Variants in USP24 observed in about 807,000 individuals in gnomAD.
USP24 encodes ubiquitin carboxyl-terminal hydrolase 24.
USP24 carries 97 observed loss-of-function variants against 361.6 expected under a neutral mutation model. That is an observed-to-expected ratio of 0.27 (90% confidence interval 0.23 to 0.32). The LOEUF is 0.32. USP24 is among the 10% of genes least tolerant of loss of function. USP24 has a pLI of 1.00. For missense variants in USP24, 2,353 were observed against 3,165.6 expected (o/e 0.74, Z 6.16); for synonymous variants, 1,098 against 1,124.6 (o/e 0.98, Z 0.47).
intron 1 of USP24, among the ~76,000 whole-genome samples, chr1:55,211,665 C>T (rs1644849478): frequency 6.6e-6 from 1 of 152,194 alleles, no homozygotes; most frequent in African/African-American, 2.4e-5. Flanking sequence ...GAGGCTTGGA[C>T]TAAGACCCAC....
At chr1:55,108,113 A>T (rs2100540441) in intron 39 of USP24, among the ~76,000 whole-genome samples, 1 of 152,254 alleles carries the variant, frequency 6.6e-6, no homozygotes, top group African/African-American at 2.4e-5. Context: ...GTAGAAGGGT[A>T]TAAGGAGAAT....
At chr1:55,139,687 CAA>C (rs1367221626) in intron 24 of USP24, among the ~76,000 whole-genome samples, 2 of 152,240 alleles carry the variant, frequency 1.3e-5, no homozygotes, top group African/African-American at 4.8e-5. Flanking sequence ...CTAGATATTT[CAA>C]AGAGGTATAT....
intron 1 of USP24, among the ~76,000 whole-genome samples, chr1:55,195,857 C>A (rs1048756013): frequency 6.6e-6 from 1 of 152,100 alleles, no homozygotes; most frequent in African/African-American, 2.4e-5. Context: ...TGAAAAATTT[C>A]TGGAGATGTT....
intron 32 of USP24, among the ~76,000 whole-genome samples, chr1:55,126,439 T>G (rs1646432215): frequency 6.6e-6 from 1 of 152,220 alleles, no homozygotes; most frequent in African/African-American, 2.4e-5. Flanking sequence ...CTCCTCACCA[T>G]CTGACACATA....
intron 60 of USP24, 126 bp downstream of exon 60, chr1:55,079,412 T>C (rs2100419553): frequency 7.7e-7 from 1 of 1,302,810 alleles, no homozygotes; most frequent in Non-Finnish European, 1.0e-6. Flanking sequence ...TTTTGACATA[T>C]AAGAAAACTT....
chr1:55,197,655 C>A (rs904960960), intron 1 of USP24, among the ~76,000 whole-genome samples: 1 of 152,196 alleles, frequency 6.6e-6, no homozygotes, highest in African/African-American at 2.4e-5. Flanking sequence ...GAGTGTGTTA[C>A]TCAATGGAGC....
intron 30 of USP24, 101 bp downstream of exon 30, chr1:55,133,969 G>A (rs1646664982): frequency 2.8e-6 from 3 of 1,073,326 alleles, no homozygotes; most frequent in Admixed American, 2.2e-5. Context: ...AAAACATTAT[G>A]GGAAAGATGG....
chr1:55,185,481 C>T (rs115811829), intron 1 of USP24, among the ~76,000 whole-genome samples: 3 of 151,702 alleles, frequency 2.0e-5, no homozygotes, highest in African/African-American at 2.4e-5. Flanking sequence ...AAGGGACAAA[C>T]CTTCAACTAG....
chr1:55,097,785 T>A, intron 47 of USP24, 68 bp from the exon 48 acceptor site: 1 of 1,506,294 alleles, frequency 6.6e-7, no homozygotes. Flanking sequence ...AACAGCACAG[T>A]AATTAATGCA....
At chr1:55,101,533 G>C (rs377501771) in intron 43 of USP24, 51 bp downstream of exon 43, 14 of 1,554,252 alleles carry the variant, frequency 9.0e-6, no homozygotes, top group Non-Finnish European at 1.2e-5. Context: ...CAATTTTCAA[G>C]TAACGCACGT....
intron 20 of USP24, among the ~76,000 whole-genome samples, chr1:55,145,485 A>G (rs1444825049): frequency 6.6e-6 from 1 of 152,188 alleles, no homozygotes; most frequent in Non-Finnish European, 1.5e-5. Context: ...CAGAAAATAG[A>G]TTAGAGGCTG....
chr1:55,141,112 T>C (rs1049932058), intron 24 of USP24, among the ~76,000 whole-genome samples: 6 of 152,166 alleles, frequency 3.9e-5, no homozygotes, highest in Non-Finnish European at 7.4e-5. Flanking sequence ...TGACTATGAT[T>C]ATAGTCACTA....
rs76014599 is a variant in USP24, at chr1:55,203,473, A to G, written c.324+11317T>C. 7.9e-3 allele frequency among the ~76,000 whole-genome samples: 1,205 copies of G among 152,356 alleles called. 11 individuals are homozygous for G. The highest frequency in any genetic ancestry group is 0.028 in the African/African-American group (1,170 of 41,584). ...AATCAATTTTAATCCTTAAAGTTTCAACTGCTAGTTCTGCTTACTGGAATA... is the reference window on the plus strand; with the variant it reads ...AATCAATTTTAATCCTTAAAGTTTCGACTGCTAGTTCTGCTTACTGGAATA... On this transcript the variant is annotated intron_variant, in intron 1 of 67. Coordinates refer to ENST00000294383, the MANE Select transcript of USP24 (RefSeq NM_015306.3).
rs1644840313 is a variant in USP24 at position 55,067,281 on chromosome 1, T to C, written c.*1764A>G. On this transcript the variant is annotated 3_prime_UTR_variant, in exon 68 of 68. Transcript: ENST00000294383. Reference sequence around the variant, plus strand: ...GATGTGGGCGGAGAGAAGGTGAGAATAGGGTAGGGGAAACAGTAGGACAGG... The same window carrying C: ...GATGTGGGCGGAGAGAAGGTGAGAACAGGGTAGGGGAAACAGTAGGACAGG... 6.6e-6 allele frequency: 1 copy of C among 151,934 alleles called. No homozygotes were observed. The highest frequency in any genetic ancestry group is 1.5e-5 in the Non-Finnish European group (1 of 67,996). The allele number at this position is 151,934 out of a possible 1,614,324, so 9.4% of individuals were successfully genotyped here.
At chr1:55,071,427 T>G in intron 67 of USP24, 1 of 1,009,412 alleles carries the variant, frequency 9.9e-7, no homozygotes, top group Non-Finnish European at 1.2e-6. Flanking sequence ...GCACGGGAGC[T>G]TTTCTTTCAA....
At position 55,162,204 on chromosome 1, in the gene USP24, C is replaced by A; in HGVS notation, c.988G>T (p.Val330Leu). The A allele has an allele frequency of 1.3e-6, 2 of 1,593,748 alleles. No homozygotes were observed. Among genetic ancestry groups the A allele is most frequent in the Non-Finnish European group, 8.5e-7 (1 of 1,171,556 alleles). ...GTGAAATGGTTTAATCCTACCTGTA[C>A]CACGGAGGAATTGAGGTACTCTGCA... The part of the protein sequence containing the change: ...VCAEYLNSSV[V>L]QPMLDPVILT... Residue 330 changes from valine to leucine, a missense_variant, in exon 8 of 68, where the codon GTA becomes TTA. This residue lies in a region of USP24 where 386 missense variants were observed against 560.5 expected (regional missense o/e 0.69). Transcript: ENST00000294383.
intron 3 of USP24, among the ~76,000 whole-genome samples, chr1:55,174,519 A>C (rs1014399134): frequency 1.3e-5 from 2 of 152,230 alleles, no homozygotes; most frequent in Non-Finnish European, 1.5e-5. Context: ...AAAAATGACC[A>C]ACCATGTGAC....
At position 55,079,593 on chromosome 1, in the gene USP24, T is replaced by C. The variant is rs1369231737; in HGVS notation, c.7145A>G (p.His2382Arg). 3.8e-6 allele frequency: 6 copies of C among 1,566,918 alleles called. No individual in the cohort carries two copies. The highest frequency in any genetic ancestry group is 5.2e-6 in the Non-Finnish European group (6 of 1,163,748). ...GAACAACAAGGCTTCTACCTCCTCA[T>C]GGAGGGGCAACAGAGGGCTTGAGGG... ...IAPSSPLLPL[H>R]EEVEALLFMS... The change falls in exon 60 of 68, where the codon CAT (histidine) becomes CGT (arginine). Residue 2382 changes from histidine (H) to arginine (R), a missense_variant. Transcript: ENST00000294383.
intron 36 of USP24, among the ~76,000 whole-genome samples, 171 bp downstream of exon 36, chr1:55,123,276 T>C (rs1646334345): frequency 6.6e-6 from 1 of 152,198 alleles, no homozygotes; most frequent in African/African-American, 2.4e-5. Flanking sequence ...TCAATAAATA[T>C]TTCTTCAGAA....
Sources: allele counts gnomAD v4.1 joint callset (sites outside exome capture counted in the v4.1 genomes callset), GRCh38; gene constraint gnomAD v4.1.1; regional missense constraint gnomAD v4.1.1; transcripts MANE v1.5; gene names NCBI Gene and HGNC (gene_info 2026-07-23, HGNC 2026-07-21).